Variants in BIN1 observed in about 807,000 individuals in gnomAD.
The protein encoded by BIN1 is myc box-dependent-interacting protein 1.
A neutral mutation model predicts 82.0 loss-of-function variants in BIN1; 53 were observed. The ratio of observed to expected loss-of-function variants is 0.65; its 90% confidence interval spans 0.52 to 0.81. BIN1 has a LOEUF of 0.81. Among genes scored for constraint, BIN1 ranks in the 40% least tolerant of loss-of-function variants. The probability of loss-of-function intolerance (pLI) is 0.00; values close to 1 mark genes in which losing one functional copy is unlikely to be tolerated. For missense variants in BIN1, 642 were observed against 784.4 expected, an observed-to-expected ratio of 0.82 and a Z score of 2.17; for synonymous variants, 302 against 328.0, an observed-to-expected ratio of 0.92 and a Z score of 0.86.
At position 127,062,117 on chromosome 2, in the gene BIN1, G is replaced by A. The variant is rs1338493773; in HGVS notation, c.855C>T (p.Pro285=). 6.2e-7 allele frequency: 1 copy of A among 1,606,848 alleles called. No homozygotes were observed. The highest frequency in any genetic ancestry group is 1.7e-5 in the Admixed American group (1 of 59,278). Residue 285 remains proline, a splice_region_variant and synonymous_variant, in exon 10 of 19, where the codon CCC becomes CCT. Transcript: ENST00000316724. ...GSNTFTVKAQ[P]SDNAPAKGNK... ...GCCAGGGCTCTCCCCGCACGCACCT[G>A]GGCTGGGCCTTGACCGTGAAGGTGT...
At chr2:127,053,272 C>A (rs1683195466) in intron 14 of BIN1, 150 bp downstream of exon 14, 2 of 1,186,310 alleles carry the variant, frequency 1.7e-6, no homozygotes, top group Non-Finnish European at 1.2e-6. Context: ...TTCACCAGCT[C>A]CCTGTGCGTG....
intron 2 of BIN1, among the ~76,000 whole-genome samples, chr2:127,072,617 G>A (rs1348715722): frequency 7.9e-5 from 7 of 88,708 alleles, no homozygotes; most frequent in Admixed American, 6.9e-4. Context: ...AAGAGAGCAT[G>A]TGTGAAAAAA....
chr2:127,087,146 C>T (rs1017075916), intron 1 of BIN1, among the ~76,000 whole-genome samples: 6 of 152,234 alleles, frequency 3.9e-5, no homozygotes, highest in African/African-American at 1.4e-4. Flanking sequence ...GTCAGCCCCA[C>T]CACAATGCTT....
chr2:127,094,087 T>C (rs1312290091), intron 1 of BIN1, among the ~76,000 whole-genome samples: 1 of 152,144 alleles, frequency 6.6e-6, no homozygotes, highest in Non-Finnish European at 1.5e-5. Flanking sequence ...GAGACACCTG[T>C]TCTCCCGTTT....
chr2:127,081,935 C>T (rs1217251275), intron 1 of BIN1: 8 of 1,253,696 alleles, frequency 6.4e-6, no homozygotes, highest in African/African-American at 6.2e-5. Flanking sequence ...TCGGGGGCCA[C>T]GGAGGCAGGA....
In BIN1 at chr2:127,051,792, C is replaced by T. The variant is rs182101660; in HGVS notation, c.1371+463G>A. On this transcript the variant is annotated intron_variant, in intron 15 of 18. Coordinates refer to ENST00000316724, the MANE Select transcript of BIN1 (RefSeq NM_139343.3). Reference sequence around the variant, plus strand: ...CACGGGCACCGCAGCACGGGCACCACGGCAGGCCCTGCAGGAACCCCAGAG... The same window carrying T: ...CACGGGCACCGCAGCACGGGCACCATGGCAGGCCCTGCAGGAACCCCAGAG... 1.9e-3 allele frequency among the ~76,000 whole-genome samples: 289 copies of T among 152,268 alleles called. 1 individual carries two copies. The highest frequency in any genetic ancestry group is 3.1e-3 in the Non-Finnish European group (213 of 68,014).
chr2:127,050,692 A>T, intron 17 of BIN1, 110 bp downstream of exon 17: 1 of 1,376,688 alleles, frequency 7.3e-7, no homozygotes, highest in Non-Finnish European at 1.0e-6. Context: ...GGAGTGACCT[A>T]GTAGCGCCTG....
rs758286460 is a variant in BIN1, at chr2:127,059,053, G to A, written c.960C>T (p.Gly320=). The change falls in exon 11 of 19, where the codon GGC becomes GGT. Residue 320 remains glycine, a synonymous_variant. Transcript: ENST00000316724. This position sits in a 1 kb window ranked among gnomAD's most constrained non-coding sequence, Gnocchi z 6.7. ...IRVNHEPEPA[G]GATPGATLPK... ...GGAGGGTGGCCCCGGGCGTGGCCCCGCCGGCCGGCTCTGGCTCGTGGTTGA... is the reference window on the plus strand; with the variant it reads ...GGAGGGTGGCCCCGGGCGTGGCCCCACCGGCCGGCTCTGGCTCGTGGTTGA... The A allele has an allele frequency of 2.2e-5, 34 of 1,573,838 alleles. No individual in the cohort carries two copies. The highest frequency in any genetic ancestry group is 4.7e-5 in the South Asian group (4 of 85,790).
chr2:127,053,869 C>G (rs1473864302), intron 13 of BIN1, 36 bp downstream of exon 13: 1 of 1,542,970 alleles, frequency 6.5e-7, no homozygotes, highest in African/African-American at 1.4e-5. Context: ...CACCTGGAAG[C>G]TGGTGGGCCC....
intron 12 of BIN1, 109 bp from the exon 13 acceptor site, chr2:127,054,121 A>C: frequency 1.2e-6 from 1 of 852,014 alleles, no homozygotes; most frequent in Non-Finnish European, 1.9e-6. Flanking sequence ...ACACACACAT[A>C]CACACACCAC....
intron 17 of BIN1, 33 bp downstream of exon 17, chr2:127,050,769 A>T (rs1279634777): frequency 6.2e-7 from 1 of 1,602,738 alleles, no homozygotes. Flanking sequence ...CAGGGCACCG[A>T]GGGACTGCAG....
chr2:127,069,896 G>T, intron 5 of BIN1, 99 bp downstream of exon 5: 2 of 1,300,666 alleles, frequency 1.5e-6, no homozygotes, highest in Non-Finnish European at 2.2e-6. Context: ...CTGCCTCCAG[G>T]ACAGCCTCCT....
chr2:127,074,106 T>C (rs1465034571), intron 2 of BIN1, among the ~76,000 whole-genome samples: 1 of 152,068 alleles, frequency 6.6e-6, no homozygotes, highest in Non-Finnish European at 1.5e-5. Context: ...TTGTCCCTTG[T>C]AGTGCTGGGC....
At chr2:127,096,299 T>C (rs1381162797) in intron 1 of BIN1, among the ~76,000 whole-genome samples, 2 of 152,184 alleles carry the variant, frequency 1.3e-5, no homozygotes, top group African/African-American at 2.4e-5. Flanking sequence ...GGAAGCTCAC[T>C]GAAGTTCACT....
Position 127,059,192 on chromosome 2 carries a change from G to A in BIN1, c.858-37C>T. The stretch of plus-strand genomic sequence containing the variant: ...GACAAGAAAGGGAGCCCAGTGTTGG[G>A]GGGCCAAGGCACAGGAGACGGAGGG... On this transcript the variant is annotated intron_variant, in intron 10 of 18. Coordinates refer to ENST00000316724, the MANE Select transcript of BIN1 (RefSeq NM_139343.3). This position sits in a 1 kb window ranked among gnomAD's most constrained non-coding sequence, Gnocchi z 6.7. The A allele has an allele frequency of 6.4e-7, 1 of 1,555,140 alleles. No individual in the cohort carries two copies. The highest frequency in any genetic ancestry group is 8.7e-7 in the Non-Finnish European group (1 of 1,150,630).
intron 10 of BIN1, among the ~76,000 whole-genome samples, chr2:127,060,977 G>A (rs953893992): frequency 6.6e-6 from 1 of 152,144 alleles, no homozygotes; most frequent in Non-Finnish European, 1.5e-5. Context: ...CGAGCACAGA[G>A]TGCACAAGAG....
chr2:127,061,998 T>G, intron 10 of BIN1, 117 bp downstream of exon 10: 1 of 1,224,830 alleles, frequency 8.2e-7, no homozygotes, highest in Non-Finnish European at 1.1e-6. Flanking sequence ...GGAAGGTCCC[T>G]AGACCCCCAA....
chr2:127,088,487 G>A (rs1678475488), intron 1 of BIN1, among the ~76,000 whole-genome samples: 1 of 152,142 alleles, frequency 6.6e-6, no homozygotes, highest in Non-Finnish European at 1.5e-5. Context: ...TGTAATCCCA[G>A]CACTTTGGGA....
intron 10 of BIN1, chr2:127,060,776 G>GC: frequency 1.7e-6 from 2 of 1,178,088 alleles, no homozygotes; most frequent in Non-Finnish European, 2.5e-6. Context: ...AGTGCCAGAG[G>GC]CCTTGCACAG....
Sources: gnomAD v4.1 joint callset for allele counts (sites outside exome capture counted in the v4.1 genomes callset) on GRCh38, gnomAD v4.1.1 for gene constraint, Gnocchi (gnomAD v3.1) non-coding constraint, MANE v1.5 for transcripts, NCBI Gene and HGNC (gene_info 2026-07-23, HGNC 2026-07-21) for gene names.